TESMIN: variants seen among roughly 807,000 people sequenced by gnomAD.
TESMIN encodes CXC domain containing 2.
Under a neutral mutation model 47.4 loss-of-function variants are expected in TESMIN, and 34 were observed. The observed-to-expected ratio is 0.72, with a 90% CI of 0.55 to 0.96. The LOEUF is 0.96. Among genes scored for constraint, TESMIN ranks in the 40% least tolerant of loss-of-function variants. The pLI, the probability that TESMIN is intolerant of heterozygous loss-of-function variation, is 0.00. For synonymous variants in TESMIN, 278 were observed against 258.9 expected, an observed-to-expected ratio of 1.07 and a Z score of -0.71; for missense variants, 610 against 637.2, an observed-to-expected ratio of 0.96 and a Z score of 0.46.
chr11:68,726,348 C>T (rs907301843), intron 6 of TESMIN, among the ~76,000 whole-genome samples: 3 of 152,262 alleles, frequency 2.0e-5, no homozygotes, highest in Non-Finnish European at 2.9e-5. Context: ...AATTGTTAGT[C>T]ATCCAAGTTG....
At chr11:68,746,314 G>A (rs988029212) in intron 3 of TESMIN, among the ~76,000 whole-genome samples, 1 of 152,134 alleles carries the variant, frequency 6.6e-6, no homozygotes, top group Non-Finnish European at 1.5e-5. Flanking sequence ...CTGCAGTCTT[G>A]GGGAGTCGGA....
chr11:68,747,078 G>C, intron 3 of TESMIN, 130 bp downstream of exon 3: 1 of 1,027,868 alleles, frequency 9.7e-7, no homozygotes. Flanking sequence ...TTGCTAATGA[G>C]ACAACCAAAA....
At chr11:68,742,517 G>C (rs1946469312) in intron 4 of TESMIN, 123 bp from the exon 5 acceptor site, 4 of 556,894 alleles carry the variant, frequency 7.2e-6, no homozygotes, top group Non-Finnish European at 1.2e-5. Context: ...AACTTATCTT[G>C]ATGCTAGTTA....
downstream of TESMIN, among the ~76,000 whole-genome samples, chr11:68,705,751 G>C (rs1271488091): frequency 6.6e-6 from 1 of 152,162 alleles, no homozygotes; most frequent in Non-Finnish European, 1.5e-5. Context: ...GGCTGGGCGC[G>C]GTGGCTCACG....
chr11:68,717,491 G>C (rs971847072), intron 6 of TESMIN, among the ~76,000 whole-genome samples: 4 of 152,238 alleles, frequency 2.6e-5, no homozygotes, highest in African/African-American at 9.6e-5. Context: ...GGGAGAAAGG[G>C]GAACTATAGA....
intron 9 of TESMIN, among the ~76,000 whole-genome samples, chr11:68,708,881 T>C (rs1946029176): frequency 6.6e-6 from 1 of 151,730 alleles, no homozygotes; most frequent in South Asian, 2.1e-4. Context: ...GCCTCCTGAG[T>C]AGCTGGGATC....
chr11:68,742,252 T>C (rs1594301062), intron 5 of TESMIN, 66 bp downstream of exon 5: 12 of 981,656 alleles, frequency 1.2e-5, no homozygotes, highest in Non-Finnish European at 1.7e-5. Context: ...ATTCCAACCA[T>C]AACAATCAAA....
chr11:68,723,357 G>A (rs1318650727), intron 6 of TESMIN, among the ~76,000 whole-genome samples: 3 of 149,672 alleles, frequency 2.0e-5, no homozygotes, highest in Admixed American at 1.3e-4. Flanking sequence ...CAATAAAAAC[G>A]ACAAGCTATT....
At chr11:68,750,744 G>C (rs1365923710) in intron 1 of TESMIN, 45 bp from the exon 2 acceptor site, 80 of 915,504 alleles carry the variant, frequency 8.7e-5, no homozygotes, top group Non-Finnish European at 1.1e-4. Context: ...GAGAGGACGA[G>C]GGGAGGGGCG....
chr11:68,748,141 TG>T lies in TESMIN; in HGVS notation c.472-776del, dbSNP rs1398315024. ...AGGCCACAGAGCCCTTCCAAAAAGA[TG>T]GTGGCTCTAAGGTAACATACTGAAG... On this transcript the variant is annotated intron_variant, in intron 2 of 9. Transcript: ENST00000255087. Among the ~76,000 whole-genome samples the T allele has an allele frequency of 3.9e-5, 6 of 152,278 alleles. No individual in the cohort carries two copies. The East Asian group carries it at 1.2e-3, about 29-fold the overall frequency.
At chr11:68,733,831 A>T (rs930069844) in intron 6 of TESMIN, 1 of 152,170 alleles carries the variant, frequency 6.6e-6, no homozygotes, top group Non-Finnish European at 1.5e-5. Context: ...TCAACACCAG[A>T]TCGTTATAGG....
chr11:68,713,279 C>T lies in TESMIN; in HGVS notation c.1149G>A (p.Glu383=). The T allele has an allele frequency of 6.2e-7, 1 of 1,614,028 alleles. No homozygotes were observed. ...GGAGCTGGGCACTAACCTCATAGCA[C>T]TCGCAGTAATTCTTCAGGCAGCCTG... The part of the protein sequence containing the change: ...RRSGCLKNYC[E]CYEAQIMCSS... Residue 383 remains glutamate, a synonymous_variant, in exon 8 of 10, where the codon GAG becomes GAA. Transcript: ENST00000255087.
At chr11:68,734,609 T>A (rs919948388) in intron 6 of TESMIN, among the ~76,000 whole-genome samples, 4 of 152,226 alleles carry the variant, frequency 2.6e-5, no homozygotes, top group Non-Finnish European at 5.9e-5. Context: ...TCTGTCAGTG[T>A]GCTCTTTGAG....
chr11:68,710,547 A>G (rs1225798394), intron 9 of TESMIN: 1 of 268,116 alleles, frequency 3.7e-6, no homozygotes, highest in African/African-American at 2.2e-5. Flanking sequence ...GCTCTATATT[A>G]ACGCAAAGGC....
intron 6 of TESMIN, among the ~76,000 whole-genome samples, chr11:68,732,392 C>T (rs954826458): frequency 2.6e-5 from 4 of 152,148 alleles, no homozygotes; most frequent in Non-Finnish European, 4.4e-5. Context: ...TTAGGAGTTA[C>T]CTCATTTTGT....
intron 2 of TESMIN, among the ~76,000 whole-genome samples, 158 bp downstream of exon 2, chr11:68,750,032 G>A (rs1175712994): frequency 6.6e-6 from 1 of 152,204 alleles, no homozygotes; most frequent in Non-Finnish European, 1.5e-5. Context: ...ACGACAAAGA[G>A]TATACGCTCT....
chr11:68,742,260 A>G, intron 5 of TESMIN, 58 bp downstream of exon 5: 1 of 1,082,788 alleles, frequency 9.2e-7, no homozygotes, highest in Non-Finnish European at 1.3e-6. Flanking sequence ...CATAACAATC[A>G]AAATTTTAAG....
intron 6 of TESMIN, among the ~76,000 whole-genome samples, chr11:68,721,471 TC>T (rs1946203104): frequency 6.6e-6 from 1 of 152,162 alleles, no homozygotes; most frequent in South Asian, 2.1e-4. Context: ...TGCCACATTT[TC>T]CATGGTTCCA....
Position 68,750,368 on chromosome 11 carries a change from G to A in TESMIN, c.293C>T (p.Pro98Leu). 2 of 1,512,324 alleles carry A rather than the reference G, an allele frequency of 1.3e-6. No individual in the cohort carries two copies. Among genetic ancestry groups the A allele is most frequent in the African/African-American group, 1.4e-5 (1 of 71,336 alleles). 93.7% of individuals were successfully genotyped at this position (1,512,324 alleles called of 1,614,324 possible). A position where few individuals can be genotyped will look rare whatever the true frequency, so the allele number is the denominator to read the frequency against. ...SDGGELLGEY[P>L]GIPELSALED... ...CAGCGCGCTGAGCTCTGGGATCCCG[G>A]GGTACTCCCCGAGGAGCTCCCCGCC... is the stretch of plus-strand genomic sequence containing the variant. Residue 98 changes from proline (P) to leucine (L), a missense_variant, in exon 2 of 10, where the codon CCC (proline) becomes CTC (leucine). Physicochemically the swap from Pro to Leu is moderately conservative, Grantham distance 98. Transcript: ENST00000255087.
Sources: allele counts gnomAD v4.1 joint callset (sites outside exome capture counted in the v4.1 genomes callset), GRCh38; gene constraint gnomAD v4.1.1; transcripts MANE v1.5; gene names NCBI Gene and HGNC (gene_info 2026-07-23, HGNC 2026-07-21).